The following WIPF1 variants were observed in gnomAD, a reference collection of about 807,000 sequenced individuals.
The protein encoded by WIPF1 is WAS/WASL-interacting protein family member 1.
In WIPF1, 13 loss-of-function variants were observed where a neutral mutation model predicts 35.4. The observed-to-expected ratio is 0.37, with a 90% CI of 0.24 to 0.58. WIPF1 has a LOEUF of 0.58. Among genes scored for constraint, WIPF1 ranks in the 20% least tolerant of loss-of-function variants. The pLI is 0.74. For missense variants in WIPF1, 591 were observed against 667.0 expected (o/e 0.89, Z 1.25); for synonymous variants, 267 against 266.3 (o/e 1.00, Z -0.02).
Position 174,636,015 on chromosome 2 carries a change from G to C in WIPF1, c.-39+46759C>G, listed in dbSNP as rs77579273. Among the ~76,000 whole-genome samples the C allele has an allele frequency of 4.9e-4, 75 of 152,260 alleles. 2 individuals are homozygous for C. The East Asian group carries it at 0.014, about 27-fold the overall frequency. On this transcript the variant is annotated intron_variant, in intron 1 of 8. Transcript: ENST00000272746. ...TCTGATTGAAATGACATTTAGATTA[G>C]ACAGTTGAGTCAAAATGGCTGTCCA... is the stretch of plus-strand genomic sequence containing the variant.
At chr2:174,566,368 C>G (rs964275600) in intron 7 of WIPF1, 1 of 152,148 alleles carries the variant, frequency 6.6e-6, no homozygotes, top group Non-Finnish European at 1.5e-5. Flanking sequence ...CAATTTAGTT[C>G]TTTATGGTAG....
chr2:174,646,029 C>T (rs535173641), intron 1 of WIPF1, among the ~76,000 whole-genome samples: 22 of 152,254 alleles, frequency 1.4e-4, no homozygotes, highest in African/African-American at 4.8e-4. Context: ...AGCAAGACAC[C>T]ATCTTACATT....
In WIPF1 at chr2:174,619,379, C is replaced by T. The variant is rs116137180; in HGVS notation, c.-38-33768G>A. On this transcript the variant is annotated intron_variant, in intron 1 of 8. Transcript: ENST00000272746. ...TGATCACTTGAGTCCAGGAGGACGA[C>T]GTTGCAGTGATTGTACCATTGCACG... is the stretch of plus-strand genomic sequence containing the variant. Among the ~76,000 whole-genome samples, 667 of 152,226 alleles carry T rather than the reference C, an allele frequency of 4.4e-3. 3 individuals carry two copies. Among genetic ancestry groups the T allele is most frequent in the African/African-American group, 0.015 (634 of 41,536 alleles).
chr2:174,678,613 C>CA (rs1431297555), intron 1 of WIPF1, among the ~76,000 whole-genome samples: 1 of 152,246 alleles, frequency 6.6e-6, no homozygotes, highest in African/African-American at 2.4e-5. Context: ...TCAGATATCT[C>CA]ATGCAATCTA....
At chr2:174,570,464 A>G (rs1684792861) in intron 5 of WIPF1, 1 of 152,230 alleles carries the variant, frequency 6.6e-6, no homozygotes, top group African/African-American at 2.4e-5. Context: ...AATAAATGTT[A>G]TATGTCAATG....
chr2:174,599,582 C>A (rs1302325655), upstream of WIPF1, among the ~76,000 whole-genome samples: 1 of 152,110 alleles, frequency 6.6e-6, no homozygotes. Context: ...AGGTGGAGGC[C>A]TACAGCTATC....
intron 1 of WIPF1, among the ~76,000 whole-genome samples, chr2:174,607,522 A>C (rs1247335894): frequency 1.3e-5 from 2 of 152,130 alleles, no homozygotes; most frequent in Non-Finnish European, 2.9e-5. Context: ...GGACTCAAAC[A>C]CTTCAGTGGC....
intron 1 of WIPF1, among the ~76,000 whole-genome samples, chr2:174,647,759 A>G (rs899834273): frequency 1.3e-5 from 2 of 152,210 alleles, no homozygotes; most frequent in African/African-American, 2.4e-5. Flanking sequence ...AGAAAGATAA[A>G]GAGAGGTTTC....
chr2:174,600,320 T>C (rs1411519181), upstream of WIPF1, among the ~76,000 whole-genome samples: 1 of 152,224 alleles, frequency 6.6e-6, no homozygotes, highest in African/African-American at 2.4e-5. Flanking sequence ...GTGTCTACTA[T>C]GCATGTTAGG....
At chr2:174,588,338 T>C (rs1685490464) in intron 1 of WIPF1, among the ~76,000 whole-genome samples, 1 of 152,172 alleles carries the variant, frequency 6.6e-6, no homozygotes. Flanking sequence ...TTTCTGTCAT[T>C]CTGTGATCCT....
chr2:174,594,716 CAT>C (rs979611218), intron 1 of WIPF1, among the ~76,000 whole-genome samples: 2 of 128,784 alleles, frequency 1.6e-5, no homozygotes, highest in Non-Finnish European at 3.5e-5. Flanking sequence ...CTCACACACA[CAT>C]ACACACACAG....
intron 1 of WIPF1, among the ~76,000 whole-genome samples, chr2:174,611,355 C>A (rs924118975): frequency 1.3e-5 from 2 of 152,126 alleles, no homozygotes; most frequent in African/African-American, 4.8e-5. Context: ...ATCCAAGGAC[C>A]ATTTCCATAA....
intron 1 of WIPF1, among the ~76,000 whole-genome samples, chr2:174,591,148 C>T (rs549528774): frequency 1.1e-4 from 17 of 152,276 alleles, no homozygotes; most frequent in Admixed American, 3.3e-4. Flanking sequence ...CAAGTGAAGA[C>T]GCAGTGAGAA....
chr2:174,565,816 G>A (rs760312772), intron 7 of WIPF1, among the ~76,000 whole-genome samples: 24 of 152,266 alleles, frequency 1.6e-4, no homozygotes, highest in Admixed American at 2.6e-4. Context: ...AGGCTGCCAC[G>A]AACCTCAGCC....
chr2:174,584,828 C>T (rs1303573653), intron 2 of WIPF1, among the ~76,000 whole-genome samples: 1 of 151,376 alleles, frequency 6.6e-6, no homozygotes, highest in East Asian at 1.9e-4. Flanking sequence ...AGGAGAATCA[C>T]TTGAACGGGA....
At position 174,562,085 on chromosome 2, in the gene WIPF1, A is replaced by G; in HGVS notation, c.*462T>C. 1 of 1,550,628 alleles carries G rather than the reference A, an allele frequency of 6.4e-7. No individual in the cohort carries two copies. Among genetic ancestry groups the G allele is most frequent in the Non-Finnish European group, 8.7e-7 (1 of 1,147,000 alleles). The stretch of plus-strand genomic sequence containing the variant: ...AAAGATTGGACATCCTGTGACTGCA[A>G]GTTTCCAGTGAGCCCTTACTCAGCA... On this transcript the variant is annotated 3_prime_UTR_variant, in exon 8 of 8. Coordinates refer to ENST00000679041, the MANE Select transcript of WIPF1 (RefSeq NM_001375834.1).
intron 1 of WIPF1, chr2:174,587,483 G>A (rs1442140963): frequency 6.6e-6 from 1 of 152,202 alleles, no homozygotes; most frequent in Non-Finnish European, 1.5e-5. Flanking sequence ...AAATGGACTG[G>A]AGAAGCTAAA....
chr2:174,591,586 G>A (rs1685608721), intron 1 of WIPF1, among the ~76,000 whole-genome samples: 2 of 151,846 alleles, frequency 1.3e-5, no homozygotes, highest in African/African-American at 2.4e-5. Context: ...CTTTCGTAAG[G>A]AACTGGCTTT....
chr2:174,661,873 G>A (rs905459178), intron 1 of WIPF1, among the ~76,000 whole-genome samples: 1 of 152,166 alleles, frequency 6.6e-6, no homozygotes, highest in African/African-American at 2.4e-5. Context: ...TGGTGTCTGG[G>A]GGGGTGTGGC....
Sources: allele counts gnomAD v4.1 joint callset (sites outside exome capture counted in the v4.1 genomes callset), GRCh38; gene constraint gnomAD v4.1.1; transcripts MANE v1.5; gene names NCBI Gene and HGNC (gene_info 2026-07-23, HGNC 2026-07-21).